The following EPHA6 variants were observed in gnomAD, a reference collection of about 807,000 sequenced individuals.
The protein encoded by EPHA6 is EPH receptor A6.
In EPHA6, 50 loss-of-function variants were observed where a neutral mutation model predicts 112.0. The observed-to-expected ratio is 0.45, with a 90% confidence interval of 0.36 to 0.56. The LOEUF (loss-of-function observed/expected upper bound fraction) is 0.56. Ranked by LOEUF, EPHA6 falls within the 20% of genes least tolerant of loss-of-function variation. The pLI is 0.00. For synonymous variants in EPHA6, 529 were observed against 490.7 expected, an observed-to-expected ratio of 1.08 and a Z score of -1.03; for missense variants, 1,280 against 1,417.4, an observed-to-expected ratio of 0.90 and a Z score of 1.56.
At chr3:97,517,203 A>G (rs968167649) in intron 10 of EPHA6, among the ~76,000 whole-genome samples, 31 of 152,188 alleles carry the variant, frequency 2.0e-4, no homozygotes, top group Admixed American at 2.6e-4. Context: ...AATACTCTCA[A>G]GCCAGAGTCC....
At chr3:96,942,026 TG>T (rs1016754816) in intron 2 of EPHA6, among the ~76,000 whole-genome samples, 1 of 152,150 alleles carries the variant, frequency 6.6e-6, no homozygotes, top group African/African-American at 2.4e-5. Flanking sequence ...CTGCCCCTAC[TG>T]GGGGGTGCCT....
chr3:97,419,985 CA>C (rs373789613), intron 6 of EPHA6, among the ~76,000 whole-genome samples: 4 of 151,190 alleles, frequency 2.6e-5, no homozygotes, highest in Non-Finnish European at 4.4e-5. Context: ...GTTGTATTAC[CA>C]AAAAAAACCT....
chr3:96,849,689 T>C (rs2035274695), intron 1 of EPHA6, among the ~76,000 whole-genome samples: 1 of 152,160 alleles, frequency 6.6e-6, no homozygotes. Flanking sequence ...GGTTAGGAAC[T>C]TGGGCTTTAA....
chr3:97,472,165 G>C (rs898678795), intron 7 of EPHA6, among the ~76,000 whole-genome samples: 4 of 151,646 alleles, frequency 2.6e-5, no homozygotes, highest in African/African-American at 9.7e-5. Flanking sequence ...AGGGGGAAAG[G>C]CTGTCACCAT....
intron 14 of EPHA6, among the ~76,000 whole-genome samples, chr3:97,704,194 G>T (rs147613209): frequency 3.9e-5 from 6 of 152,234 alleles, no homozygotes; most frequent in Middle Eastern, 3.4e-3. Context: ...CTGGCCTAAG[G>T]GATGCCTGGA....
chr3:97,428,059 T>C (rs916447914), intron 6 of EPHA6, among the ~76,000 whole-genome samples: 2 of 144,168 alleles, frequency 1.4e-5, no homozygotes, highest in Non-Finnish European at 2.9e-5. Context: ...AAAATAAAAG[T>C]TGGACAGAAA....
intron 14 of EPHA6, among the ~76,000 whole-genome samples, chr3:97,668,002 G>T (rs1032813947): frequency 1.5e-4 from 23 of 152,152 alleles, no homozygotes; most frequent in African/African-American, 5.5e-4. Context: ...ACAAGAGAAA[G>T]ATCACCAAGA....
chr3:97,029,824 C>G (rs544734890), intron 3 of EPHA6, among the ~76,000 whole-genome samples: 2 of 151,968 alleles, frequency 1.3e-5, no homozygotes, highest in Admixed American at 1.3e-4. Flanking sequence ...TTTTTATTAA[C>G]CAATGGATTA....
intron 5 of EPHA6, among the ~76,000 whole-genome samples, chr3:97,277,125 C>T (rs1210826085): frequency 1.3e-5 from 2 of 151,882 alleles, no homozygotes; most frequent in Non-Finnish European, 2.9e-5. Context: ...AGGGGACAGG[C>T]GAGACGGAAA....
At chr3:97,176,640 G>A (rs984978477) in intron 3 of EPHA6, among the ~76,000 whole-genome samples, 17 of 151,860 alleles carry the variant, frequency 1.1e-4, no homozygotes, top group Non-Finnish European at 2.1e-4. Flanking sequence ...GTGTATCTAG[G>A]AATTTGTTCA....
intron 5 of EPHA6, among the ~76,000 whole-genome samples, chr3:97,313,555 T>C (rs1189874959): frequency 6.6e-6 from 1 of 151,662 alleles, no homozygotes; most frequent in African/African-American, 2.4e-5. Context: ...TTATCTTTAG[T>C]CTGCTTTTGA....
chr3:97,365,996 A>G (rs2084704499), intron 5 of EPHA6, among the ~76,000 whole-genome samples: 1 of 152,198 alleles, frequency 6.6e-6, no homozygotes, highest in African/African-American at 2.4e-5. Context: ...CGGATTAAAA[A>G]TTCATATTGC....
chr3:96,911,156 A>T (rs1264821812), intron 2 of EPHA6, among the ~76,000 whole-genome samples: 1 of 152,084 alleles, frequency 6.6e-6, no homozygotes, highest in African/African-American at 2.4e-5. Context: ...TTATTTAGCT[A>T]CAGTTTTACA....
At chr3:97,586,520 A>G (rs1419212986) in intron 11 of EPHA6, among the ~76,000 whole-genome samples, 1 of 152,166 alleles carries the variant, frequency 6.6e-6, no homozygotes, top group Non-Finnish European at 1.5e-5. Context: ...GAAATAATGT[A>G]TAATGTTATA....
chr3:97,276,251 C>T (rs963848614), intron 5 of EPHA6, among the ~76,000 whole-genome samples: 1 of 152,164 alleles, frequency 6.6e-6, no homozygotes, highest in Non-Finnish European at 1.5e-5. Context: ...TCTTCAGCCT[C>T]TAAGTGGAGA....
chr3:96,892,950 A>ATGTG (rs1398094685), intron 2 of EPHA6, among the ~76,000 whole-genome samples: 37 of 136,344 alleles, frequency 2.7e-4, no homozygotes, highest in African/African-American at 1.2e-3. Context: ...TTATATATAT[A>ATGTG]TATATGTGTG....
chr3:97,444,816 G>A (rs540964031), intron 6 of EPHA6, among the ~76,000 whole-genome samples: 1 of 152,084 alleles, frequency 6.6e-6, no homozygotes, highest in Non-Finnish European at 1.5e-5. Context: ...TAGCAAGAGG[G>A]TCCATTTTAG....
At chr3:97,145,104 T>C (rs1008863874) in intron 3 of EPHA6, among the ~76,000 whole-genome samples, 1 of 151,520 alleles carries the variant, frequency 6.6e-6, no homozygotes, top group South Asian at 2.1e-4. Flanking sequence ...TAGAACTGTA[T>C]ATTTAATATA....
chr3:97,037,394 C>T (rs1015491439), intron 3 of EPHA6, among the ~76,000 whole-genome samples: 2 of 151,976 alleles, frequency 1.3e-5, no homozygotes, highest in African/African-American at 4.8e-5. Flanking sequence ...CCTGAACAAA[C>T]ATGAAAGGGC....
Sources: allele counts gnomAD v4.1 joint callset (sites outside exome capture counted in the v4.1 genomes callset), GRCh38; gene constraint gnomAD v4.1.1; transcripts MANE v1.5; gene names NCBI Gene and HGNC (gene_info 2026-07-23, HGNC 2026-07-21).